The following MBD5 variants were observed in gnomAD, a reference collection of about 807,000 sequenced individuals.
The protein encoded by MBD5 is methyl-CpG binding domain protein 5, also known as methyl-CpG-binding domain protein 5.
In MBD5, 13 loss-of-function variants were observed where a neutral mutation model predicts 117.3. That is an observed-to-expected ratio of 0.11 (90% CI 0.07 to 0.18). The LOEUF (loss-of-function observed/expected upper bound fraction) is 0.18. Among genes scored for constraint, MBD5 ranks in the 10% least tolerant of loss-of-function variants. MBD5 has a pLI of 1.00. For missense variants in MBD5, 1,879 were observed against 2,093.8 expected (o/e 0.90, Z 2.00); for synonymous variants, 727 against 766.4 (o/e 0.95, Z 0.85).
chr2:148,112,796 A>G (rs940603574), intron 1 of MBD5, among the ~76,000 whole-genome samples: 1 of 152,072 alleles, frequency 6.6e-6, no homozygotes, highest in Non-Finnish European at 1.5e-5. Flanking sequence ...CAGAAATCCC[A>G]GGAGTCCTGT....
chr2:148,371,442 C>T (rs1703850209), intron 4 of MBD5, among the ~76,000 whole-genome samples: 1 of 152,074 alleles, frequency 6.6e-6, no homozygotes, highest in Admixed American at 6.6e-5. Flanking sequence ...AAAAGAGAAA[C>T]TCTTTCTTGC....
intron 4 of MBD5, among the ~76,000 whole-genome samples, chr2:148,383,912 C>G (rs952718975): frequency 6.6e-6 from 1 of 152,136 alleles, no homozygotes; most frequent in African/African-American, 2.4e-5. Context: ...ATTCAACACC[C>G]CTTCATGCTA....
intron 3 of MBD5, among the ~76,000 whole-genome samples, chr2:148,309,637 C>G (rs1312246526): frequency 6.6e-6 from 1 of 152,150 alleles, no homozygotes; most frequent in African/African-American, 2.4e-5. Flanking sequence ...CTCTTTATTT[C>G]TTTCTCTTGC....
chr2:148,260,637 G>A (rs549444637), intron 3 of MBD5: 3 of 214,162 alleles, frequency 1.4e-5, no homozygotes, highest in Admixed American at 4.2e-5. Context: ...GATAAACAAG[G>A]AATTGCTGTA....
At chr2:148,075,359 C>T (rs1219531844) in intron 1 of MBD5, among the ~76,000 whole-genome samples, 1 of 152,180 alleles carries the variant, frequency 6.6e-6, no homozygotes, top group East Asian at 1.9e-4. Flanking sequence ...TCTCTTTTTC[C>T]TTGCCTCATT....
intron 1 of MBD5, among the ~76,000 whole-genome samples, chr2:148,104,405 C>T (rs1215930867): frequency 6.6e-6 from 1 of 152,078 alleles, no homozygotes; most frequent in Non-Finnish European, 1.5e-5. Flanking sequence ...AATTTGTTAC[C>T]CATGAAACAC....
chr2:148,447,236 GGA>G (rs1559075784), intron 4 of MBD5, among the ~76,000 whole-genome samples: 22 of 134,022 alleles, frequency 1.6e-4, no homozygotes, highest in South Asian at 4.4e-4. Context: ...AGAAAGAAAG[GGA>G]AAGGAGGGAG....
At chr2:148,269,487 T>C (rs1700933593) in intron 3 of MBD5, among the ~76,000 whole-genome samples, 1 of 151,758 alleles carries the variant, frequency 6.6e-6, no homozygotes, top group South Asian at 2.1e-4. Context: ...TGAGAACTGC[T>C]TTCCCTAGAC....
chr2:148,508,610 C>T (rs1682117691), intron 12 of MBD5, among the ~76,000 whole-genome samples: 1 of 151,994 alleles, frequency 6.6e-6, no homozygotes, highest in Non-Finnish European at 1.5e-5. Flanking sequence ...CCTATGTACT[C>T]CTCTGCATTT....
intron 1 of MBD5, among the ~76,000 whole-genome samples, chr2:148,152,892 C>A (rs1697728653): frequency 1.3e-5 from 2 of 151,914 alleles, no homozygotes; most frequent in African/African-American, 4.8e-5. Context: ...ACTCTTTATC[C>A]AATTTGCCAG....
chr2:148,404,751 T>C (rs933117032), intron 4 of MBD5, among the ~76,000 whole-genome samples: 43 of 152,196 alleles, frequency 2.8e-4, no homozygotes, highest in African/African-American at 1.0e-3. Flanking sequence ...CCCTGTTTTA[T>C]TTTTGGTTGT....
chr2:148,463,859 C>A lies in MBD5; in HGVS notation c.337C>A (p.His113Asn), dbSNP rs776892650. ...KRKIIAVATL[H>N]KSMEAPHPSL... ...AAAAATTATTGCAGTGGCCACACTT[C>A]ATAAAAGCATGGAAGCCCCACATCC... The change falls in exon 7 of 14, where the codon CAT becomes AAT. Residue 113 changes from histidine (H) to asparagine (N), a missense_variant. Physicochemically the swap from His to Asn is moderately conservative, Grantham distance 68. Transcript: ENST00000642680. 2 of 1,613,736 alleles carry A rather than the reference C, an allele frequency of 1.2e-6. No individual in the cohort carries two copies. The highest frequency in any genetic ancestry group is 4.5e-5 in the East Asian group (2 of 44,862).
At chr2:148,321,600 A>G (rs953068862) in intron 3 of MBD5, among the ~76,000 whole-genome samples, 1 of 152,198 alleles carries the variant, frequency 6.6e-6, no homozygotes, top group African/African-American at 2.4e-5. Context: ...CCACTAATAC[A>G]TCTATCAATC....
At chr2:148,421,733 G>A (rs1191012500) in intron 4 of MBD5, among the ~76,000 whole-genome samples, 1 of 152,094 alleles carries the variant, frequency 6.6e-6, no homozygotes, top group Admixed American at 6.6e-5. Flanking sequence ...TGGGACACTC[G>A]AGCTTGGTGG....
At chr2:148,267,244 G>T (rs1258659921) in intron 3 of MBD5, among the ~76,000 whole-genome samples, 14 of 152,064 alleles carry the variant, frequency 9.2e-5, no homozygotes, top group Admixed American at 9.2e-4. Context: ...ATAGATCTGG[G>T]TATAGAGAAA....
In MBD5 at chr2:148,469,203, G is replaced by C. The variant is rs2105631059; in HGVS notation, c.1260G>C (p.Gly420=). 2 of 1,613,994 alleles carry C rather than the reference G, an allele frequency of 1.2e-6. No homozygotes were observed. Among genetic ancestry groups the C allele is most frequent in the Non-Finnish European group, 1.7e-6 (2 of 1,179,966 alleles). The change falls in exon 8 of 14, where the codon GGG becomes GGC. Residue 420 remains glycine (G), a synonymous_variant. Transcript: ENST00000642680. The part of the protein sequence containing the change: ...PTVKPGHMNH[G]SHVQRVQHSA... ...TAAAACCTGGTCACATGAATCATGGGAGTCATGTACAAAGAGTTCAGCATT... is the reference window on the plus strand; with the variant it reads ...TAAAACCTGGTCACATGAATCATGGCAGTCATGTACAAAGAGTTCAGCATT...
chr2:148,289,145 A>C (rs912801749), intron 3 of MBD5, among the ~76,000 whole-genome samples: 9 of 152,190 alleles, frequency 5.9e-5, no homozygotes, highest in Non-Finnish European at 1.3e-4. Context: ...AAATGGCCAA[A>C]ATAGTTTTTT....
chr2:148,349,838 A>G (rs1190822077), intron 4 of MBD5, among the ~76,000 whole-genome samples: 5 of 152,016 alleles, frequency 3.3e-5, no homozygotes, highest in Non-Finnish European at 7.4e-5. Flanking sequence ...ATACACACCT[A>G]ACATAGTAGA....
chr2:148,458,994 CAT>C (rs753727878), intron 5 of MBD5, 123 bp downstream of exon 5: 8 of 801,824 alleles, frequency 1.0e-5, no homozygotes, highest in Non-Finnish European at 1.5e-5. Context: ...GTGCTAGAAA[CAT>C]ATGAGAATTT....
Sources: gnomAD v4.1 joint callset for allele counts (sites outside exome capture counted in the v4.1 genomes callset) on GRCh38, gnomAD v4.1.1 for gene constraint, MANE v1.5 for transcripts, NCBI Gene and HGNC (gene_info 2026-07-23, HGNC 2026-07-21) for gene names.